The following EPHA6 variants were observed in gnomAD, a reference collection of about 807,000 sequenced individuals.
EPHA6 encodes EPH receptor A6, also known as ephrin type-A receptor 6.
Under a neutral mutation model 112.0 loss-of-function variants are expected in EPHA6, and 50 were observed. That is an observed-to-expected ratio of 0.45 (90% confidence interval 0.36 to 0.56). The LOEUF (loss-of-function observed/expected upper bound fraction) is 0.56. Ranked by LOEUF, EPHA6 falls within the 20% of genes least tolerant of loss-of-function variation. The pLI is 0.00. For synonymous variants in EPHA6, 529 were observed against 490.7 expected, an observed-to-expected ratio of 1.08 and a Z score of -1.03; for missense variants, 1,280 against 1,417.4, an observed-to-expected ratio of 0.90 and a Z score of 1.56.
At chr3:97,319,228 A>C (rs2081987209) in intron 5 of EPHA6, among the ~76,000 whole-genome samples, 1 of 151,398 alleles carries the variant, frequency 6.6e-6, no homozygotes, top group African/African-American at 2.4e-5. Context: ...TTACAGTAAA[A>C]TTTTAGTTCA....
intron 6 of EPHA6, among the ~76,000 whole-genome samples, chr3:97,407,679 C>A (rs1406159875): frequency 6.6e-6 from 1 of 151,996 alleles, no homozygotes; most frequent in Non-Finnish European, 1.5e-5. Context: ...ATGAAAGGCA[C>A]TTTAAAATAA....
At chr3:97,081,740 A>G (rs2046726866) in intron 3 of EPHA6, among the ~76,000 whole-genome samples, 1 of 151,686 alleles carries the variant, frequency 6.6e-6, no homozygotes. Context: ...TAGATGTCCA[A>G]ATATGAGATT....
chr3:96,877,601 T>A (rs774790313), intron 2 of EPHA6, among the ~76,000 whole-genome samples: 25 of 144,320 alleles, frequency 1.7e-4, no homozygotes, highest in Non-Finnish European at 3.2e-4. Flanking sequence ...TTTAGAGAAT[T>A]AATACTAACC....
intron 3 of EPHA6, among the ~76,000 whole-genome samples, chr3:97,219,608 G>A (rs2078133579): frequency 6.6e-6 from 1 of 152,166 alleles, no homozygotes; most frequent in Non-Finnish European, 1.5e-5. Flanking sequence ...GGGCTGCACA[G>A]AGCAGCTGGG....
Position 97,436,104 on chromosome 3 carries a change from A to G in EPHA6, c.1732-12464A>G, listed in dbSNP as rs192755434. On this transcript the variant is annotated intron_variant, in intron 6 of 17. Coordinates refer to ENST00000389672, the MANE Select transcript of EPHA6 (RefSeq NM_001080448.3). ...ACAAGCCTTTATTTTATGTTATTTT[A>G]TTATAAATCTTGAGGCACACATTTG... 2.8e-3 allele frequency among the ~76,000 whole-genome samples: 425 copies of G among 152,204 alleles called. 1 individual carries two copies. The highest frequency in any genetic ancestry group is 6.0e-3 in the Admixed American group (92 of 15,286).
At chr3:96,946,525 T>C (rs1260094869) in intron 2 of EPHA6, among the ~76,000 whole-genome samples, 1 of 152,160 alleles carries the variant, frequency 6.6e-6, no homozygotes, top group East Asian at 1.9e-4. Context: ...TATGGCTGCA[T>C]AGTATTCCAT....
chr3:97,310,270 G>T (rs1031685559), intron 5 of EPHA6, among the ~76,000 whole-genome samples: 1 of 151,424 alleles, frequency 6.6e-6, no homozygotes, highest in Admixed American at 6.6e-5. Flanking sequence ...GGATTTGCTG[G>T]CAGGCAATGG....
intron 10 of EPHA6, among the ~76,000 whole-genome samples, chr3:97,501,747 A>C (rs1226902050): frequency 2.6e-5 from 4 of 152,094 alleles, no homozygotes; most frequent in Non-Finnish European, 5.9e-5. Flanking sequence ...GAAATGATGA[A>C]TATTAAAGAG....
intron 11 of EPHA6, among the ~76,000 whole-genome samples, chr3:97,549,569 G>A (rs1376201707): frequency 6.6e-6 from 1 of 152,102 alleles, no homozygotes; most frequent in African/African-American, 2.4e-5. Flanking sequence ...GAATGACTCT[G>A]GATTGAACAC....
At chr3:97,742,386 G>A (rs564661595) in intron 16 of EPHA6, among the ~76,000 whole-genome samples, 1 of 152,190 alleles carries the variant, frequency 6.6e-6, no homozygotes, top group South Asian at 2.1e-4. Context: ...ACACTACTGG[G>A]AATTATGGGA....
intron 3 of EPHA6, among the ~76,000 whole-genome samples, chr3:97,139,081 G>A (rs931713493): frequency 2.0e-5 from 3 of 152,120 alleles, no homozygotes; most frequent in Admixed American, 6.5e-5. Flanking sequence ...ATTGTAATCA[G>A]CATTTGCATT....
chr3:97,027,577 AT>A (rs1456183195), intron 3 of EPHA6, among the ~76,000 whole-genome samples: 18 of 152,286 alleles, frequency 1.2e-4, no homozygotes, highest in Non-Finnish European at 4.4e-5. Context: ...TGTCAGTAGG[AT>A]TTTAGCTATT....
chr3:97,075,414 G>C (rs1192281102), intron 3 of EPHA6, among the ~76,000 whole-genome samples: 1 of 151,868 alleles, frequency 6.6e-6, no homozygotes, highest in Non-Finnish European at 1.5e-5. Flanking sequence ...GATTTGTTCT[G>C]GGGCGTCTGG....
intron 3 of EPHA6, among the ~76,000 whole-genome samples, chr3:97,131,273 G>C (rs2075609607): frequency 6.6e-6 from 1 of 151,946 alleles, no homozygotes; most frequent in Admixed American, 6.6e-5. Context: ...TATATGCATG[G>C]GTTCATATAG....
At chr3:97,415,196 A>C (rs970653495) in intron 6 of EPHA6, among the ~76,000 whole-genome samples, 2 of 152,182 alleles carry the variant, frequency 1.3e-5, no homozygotes, top group Admixed American at 1.3e-4. Context: ...AGTCATTAGG[A>C]GTAGTTATCT....
At chr3:97,473,075 T>A (rs1200325215) in intron 7 of EPHA6, among the ~76,000 whole-genome samples, 1 of 151,816 alleles carries the variant, frequency 6.6e-6, no homozygotes, top group Non-Finnish European at 1.5e-5. Flanking sequence ...GTTGTTCTTG[T>A]TGAAGATGAT....
intron 2 of EPHA6, among the ~76,000 whole-genome samples, chr3:96,942,508 G>A (rs983625797): frequency 9.8e-5 from 15 of 152,294 alleles, no homozygotes; most frequent in Non-Finnish European, 1.5e-4. Flanking sequence ...TCCAGGTGCC[G>A]TCTGTCACCC....
intron 5 of EPHA6, among the ~76,000 whole-genome samples, chr3:97,261,836 A>T (rs1397333554): frequency 1.3e-5 from 2 of 152,176 alleles, no homozygotes; most frequent in Non-Finnish European, 2.9e-5. Flanking sequence ...CATTTTCCAG[A>T]TGAGGAAACT....
chr3:97,046,373 C>T (rs529445770), intron 3 of EPHA6, among the ~76,000 whole-genome samples: 1 of 152,144 alleles, frequency 6.6e-6, no homozygotes, highest in East Asian at 1.9e-4. Context: ...TTAACACCTA[C>T]CCATGGTAAA....
Sources: allele counts gnomAD v4.1 joint callset (sites outside exome capture counted in the v4.1 genomes callset), GRCh38; gene constraint gnomAD v4.1.1; transcripts MANE v1.5; gene names NCBI Gene and HGNC (gene_info 2026-07-23, HGNC 2026-07-21).